The following RPS6KC1 variants were observed in gnomAD, a reference collection of about 807,000 sequenced individuals.
The protein encoded by RPS6KC1 is ribosomal protein S6 kinase C1.
A neutral mutation model predicts 103.8 loss-of-function variants in RPS6KC1; 54 were observed. The ratio of observed to expected loss-of-function variants is 0.52; its 90% CI spans 0.42 to 0.65. The LOEUF is 0.65. Ranked by LOEUF, RPS6KC1 falls within the 30% of genes least tolerant of loss-of-function variation. The pLI, the probability that RPS6KC1 is intolerant of heterozygous loss-of-function variation, is 0.00. For missense variants in RPS6KC1, 1,151 were observed against 1,253.8 expected (o/e 0.92, Z 1.24); for synonymous variants, 439 against 438.7 (o/e 1.00, Z -0.01).
Position 213,077,741 on chromosome 1 carries a change from G to A in RPS6KC1, c.187G>A (p.Glu63Lys). ...RYSDFKKLHK[E>K]LWQIHKNLFR... ...CAGTGATTTTAAGAAACTACACAAA[G>A]AACTATGGCAAATTCACAAAAACTT... Residue 63 changes from glutamate to lysine, a missense_variant, in exon 3 of 15, where the codon GAA (glutamate) becomes AAA (lysine). Glu to Lys is a moderately conservative substitution (Grantham distance 56, BLOSUM62 1). Around this residue, in one of 3 missense-constraint regions of RPS6KC1, gnomAD observed 959 missense variants for 1,006.3 expected, o/e 0.95. Coordinates refer to ENST00000366960, the MANE Select transcript of RPS6KC1 (RefSeq NM_012424.6). The A allele has an allele frequency of 6.5e-7, 1 of 1,530,004 alleles. No individual in the cohort carries two copies. Among genetic ancestry groups the A allele is most frequent in the Non-Finnish European group, 8.9e-7 (1 of 1,118,274 alleles). The allele number at this position is 1,530,004 out of a possible 1,614,324, so 94.8% of individuals were successfully genotyped here. A position where few individuals can be genotyped will look rare whatever the true frequency, so the allele number is the denominator to read the frequency against.
intron 7 of RPS6KC1, among the ~76,000 whole-genome samples, chr1:213,168,620 C>A (rs931764104): frequency 6.6e-6 from 1 of 151,540 alleles, no homozygotes; most frequent in East Asian, 1.9e-4. Context: ...GGTTTAGTTT[C>A]TTTTCTTTTC....
chr1:213,202,507 G>A (rs2093200858), intron 8 of RPS6KC1, among the ~76,000 whole-genome samples: 2 of 152,108 alleles, frequency 1.3e-5, no homozygotes, highest in Admixed American at 6.5e-5. Context: ...CAGCTACTTG[G>A]GAGTCTGAGG....
At chr1:213,337,430 T>C in the RPS6KC1 span, among the ~76,000 whole-genome samples, 1 of 152,234 alleles carries the variant, frequency 6.6e-6, no homozygotes, top group Non-Finnish European at 1.5e-5. Context: ...ATGGTTATCG[T>C]ACTAGATTGT....
At chr1:213,203,437 G>T (rs1233556435) in intron 8 of RPS6KC1, among the ~76,000 whole-genome samples, 3 of 152,134 alleles carry the variant, frequency 2.0e-5, no homozygotes, top group African/African-American at 7.2e-5. Context: ...TCATTTTAAT[G>T]TGCAATTTTA....
At chr1:213,245,122 T>C (rs1263147240) in intron 12 of RPS6KC1, among the ~76,000 whole-genome samples, 2 of 152,180 alleles carry the variant, frequency 1.3e-5, no homozygotes, top group East Asian at 1.9e-4. Flanking sequence ...CCCTTACTTA[T>C]AACTCAAGGG....
At chr1:213,282,741 C>T in the RPS6KC1 span, among the ~76,000 whole-genome samples, 1 of 152,146 alleles carries the variant, frequency 6.6e-6, no homozygotes, top group African/African-American at 2.4e-5. Flanking sequence ...ATACTTTTTT[C>T]AAGGTGCAAA....
At chr1:213,264,253 A>C (rs1393224570) in intron 14 of RPS6KC1, among the ~76,000 whole-genome samples, 1 of 152,156 alleles carries the variant, frequency 6.6e-6, no homozygotes, top group Non-Finnish European at 1.5e-5. Context: ...AGAAACAATC[A>C]GGTTGGAAAT....
At chr1:213,390,738 A>T in the RPS6KC1 span, among the ~76,000 whole-genome samples, 4 of 152,300 alleles carry the variant, frequency 2.6e-5, no homozygotes, top group Non-Finnish European at 5.9e-5. Context: ...AAGGATCTAT[A>T]GACCTCGTGT....
At chr1:213,335,313 C>T in the RPS6KC1 span, among the ~76,000 whole-genome samples, 6 of 152,186 alleles carry the variant, frequency 3.9e-5, no homozygotes, top group South Asian at 8.3e-4. Context: ...GCTGGGGCTG[C>T]GAGTGGCAGA....
At chr1:213,431,655 ATGTGTGTGTGTGTGTG>A in the RPS6KC1 span, among the ~76,000 whole-genome samples, 1 of 141,540 alleles carries the variant, frequency 7.1e-6, no homozygotes, top group African/African-American at 2.5e-5. Context: ...GTTTGTGTGT[ATGTGTGTGTGTGTGTG>A]TGTGTGTGTG....
the RPS6KC1 span, among the ~76,000 whole-genome samples, chr1:213,518,004 G>T: frequency 2.6e-5 from 4 of 152,012 alleles, no homozygotes; most frequent in African/African-American, 9.7e-5. Flanking sequence ...TGTCTCTTTT[G>T]ATCTTTGTTG....
the RPS6KC1 span, among the ~76,000 whole-genome samples, chr1:213,381,176 A>G: frequency 6.6e-6 from 1 of 152,196 alleles, no homozygotes; most frequent in Non-Finnish European, 1.5e-5. Flanking sequence ...TTAAAGAGTG[A>G]CGAGCAGGAA....
At chr1:213,830,838 G>A in the RPS6KC1 span, among the ~76,000 whole-genome samples, 12 of 152,286 alleles carry the variant, frequency 7.9e-5, no homozygotes, top group East Asian at 2.3e-3. Context: ...AGCCAGGGGA[G>A]TAGGCCCACA....
intron 3 of RPS6KC1, among the ~76,000 whole-genome samples, chr1:213,091,639 A>G (rs1031485992): frequency 1.3e-5 from 2 of 152,196 alleles, no homozygotes; most frequent in African/African-American, 4.8e-5. Context: ...ATTTTATTAT[A>G]CAGTGTTAAA....
intron 8 of RPS6KC1, among the ~76,000 whole-genome samples, chr1:213,178,303 G>T (rs2092026487): frequency 6.6e-6 from 1 of 151,946 alleles, no homozygotes; most frequent in African/African-American, 2.4e-5. Flanking sequence ...ACTCTGGGAG[G>T]CCGAGGCCAG....
chr1:213,652,661 C>T, the RPS6KC1 span, among the ~76,000 whole-genome samples: 2 of 152,274 alleles, frequency 1.3e-5, no homozygotes, highest in South Asian at 2.1e-4. Context: ...TGTCCTGAGA[C>T]CACCCTGTGA....
chr1:213,366,936 C>G, the RPS6KC1 span, among the ~76,000 whole-genome samples: 1 of 152,230 alleles, frequency 6.6e-6, no homozygotes, highest in Admixed American at 6.5e-5. Context: ...TTAGATTAAT[C>G]TCTTCTTCAT....
the RPS6KC1 span, among the ~76,000 whole-genome samples, chr1:213,698,171 A>G: frequency 6.6e-6 from 1 of 152,208 alleles, no homozygotes; most frequent in Non-Finnish European, 1.5e-5. Flanking sequence ...TCCATCGTAC[A>G]TTGAGGACTA....
At chr1:213,830,577 T>G in the RPS6KC1 span, among the ~76,000 whole-genome samples, 1 of 151,920 alleles carries the variant, frequency 6.6e-6, no homozygotes, top group South Asian at 2.1e-4. Context: ...GTGCCCTTAC[T>G]TGCCCCTCCA....
Sources: gnomAD v4.1 joint callset for allele counts (sites outside exome capture counted in the v4.1 genomes callset) on GRCh38, gnomAD v4.1.1 for gene constraint, gnomAD v4.1.1 regional missense constraint, MANE v1.5 for transcripts, NCBI Gene and HGNC (gene_info 2026-07-23, HGNC 2026-07-21) for gene names.